Variants in TSPEAR observed in about 807,000 individuals in gnomAD.
The protein encoded by TSPEAR is thrombospondin-type laminin G domain and EAR repeat-containing protein.
TSPEAR carries 69 observed loss-of-function variants against 71.6 expected under a neutral mutation model. The observed-to-expected ratio is 0.96, with a 90% CI of 0.79 to 1.18. The LOEUF is 1.18. Among genes scored for constraint, TSPEAR ranks in the 50% most tolerant of loss-of-function variants. The pLI is 0.00. For missense variants in TSPEAR, 971 were observed against 894.9 expected (o/e 1.09, Z -1.09); for synonymous variants, 402 against 387.2 (o/e 1.04, Z -0.45).
chr21:44,530,001 G>C (rs1555915560), intron 4 of TSPEAR, 47 bp from the exon 5 acceptor site: 1 of 1,495,466 alleles, frequency 6.7e-7, no homozygotes, highest in Admixed American at 2.2e-5. Flanking sequence ...GCTGGGGAAG[G>C]ACCCGCTGAG....
chr21:44,551,466 T>C (rs1249233912), intron 2 of TSPEAR: 3 of 1,598,404 alleles, frequency 1.9e-6, no homozygotes, highest in Admixed American at 1.7e-5. Flanking sequence ...CATGCTGGAG[T>C]GGGGAGGAGG....
intron 9 of TSPEAR, among the ~76,000 whole-genome samples, chr21:44,511,417 TAC>T (rs1428476880): frequency 6.6e-6 from 1 of 152,228 alleles, no homozygotes; most frequent in Non-Finnish European, 1.5e-5. Context: ...TGCATGCCTG[TAC>T]ACATGTGGAT....
intron 1 of TSPEAR, among the ~76,000 whole-genome samples, chr21:44,707,605 C>T (rs1349800796): frequency 1.3e-5 from 2 of 152,140 alleles, no homozygotes; most frequent in African/African-American, 4.8e-5. Flanking sequence ...GGGGGAAAAG[C>T]CCTGGCCTTA....
At chr21:44,574,423 C>T (rs373143280) in intron 1 of TSPEAR, 7 of 1,603,280 alleles carry the variant, frequency 4.4e-6, no homozygotes, top group African/African-American at 2.7e-5. Context: ...TGCACCTCCT[C>T]CTCCTGCCAG....
chr21:44,637,326 A>T, intron 1 of TSPEAR: 1 of 1,447,908 alleles, frequency 6.9e-7, no homozygotes, highest in South Asian at 1.3e-5. Context: ...GGGCATATAA[A>T]AGCCCCAGCA....
chr21:44,559,504 C>T (rs2053603015), intron 2 of TSPEAR, among the ~76,000 whole-genome samples: 2 of 152,172 alleles, frequency 1.3e-5, no homozygotes, highest in Non-Finnish European at 2.9e-5. Flanking sequence ...AGTGTTCACA[C>T]CTTCTCCTCT....
chr21:44,569,763 T>C (rs587692757), intron 1 of TSPEAR, among the ~76,000 whole-genome samples: 53 of 152,128 alleles, frequency 3.5e-4, no homozygotes, highest in African/African-American at 1.2e-3. Context: ...ACACTGTGTG[T>C]AGAGAGGTCT....
intron 1 of TSPEAR, among the ~76,000 whole-genome samples, chr21:44,679,467 A>T (rs1169018794): frequency 6.6e-6 from 1 of 152,248 alleles, no homozygotes; most frequent in African/African-American, 2.4e-5. Flanking sequence ...GAAAGATCAT[A>T]CTATCCAAAG....
Position 44,506,890 on chromosome 21 carries a change from G to A in TSPEAR, c.1755-2009C>T, listed in dbSNP as rs587694245. ...GGCTTCGGTTTCACCACAAAATAAG[G>A]CATCTAGTGCCCGATTCTGCCTCCA... On this transcript the variant is annotated intron_variant, in intron 10 of 11. Coordinates refer to ENST00000323084, the MANE Select transcript of TSPEAR (RefSeq NM_144991.3). The surrounding 1 kb of genome is among the most constrained non-coding windows in gnomAD (Gnocchi z 4.2). 52 of 152,288 alleles carry A rather than the reference G, an allele frequency of 3.4e-4. No individual in the cohort carries two copies. The highest frequency in any genetic ancestry group is 1.2e-3 in the African/African-American group (49 of 41,538). 9.4% of individuals were successfully genotyped at this position (152,288 alleles called of 1,614,324 possible).
chr21:44,536,900 T>A (rs1311146666), intron 2 of TSPEAR, among the ~76,000 whole-genome samples: 1 of 152,194 alleles, frequency 6.6e-6, no homozygotes, highest in Non-Finnish European at 1.5e-5. Flanking sequence ...TATATAGACA[T>A]ATATACAGGA....
chr21:44,639,548 C>T (rs1401760499), intron 1 of TSPEAR, among the ~76,000 whole-genome samples: 5 of 151,896 alleles, frequency 3.3e-5, no homozygotes, highest in Admixed American at 6.5e-5. Context: ...TCCTTGGAAG[C>T]AAAGCCAAGT....
chr21:44,612,274 CAGCTGCTGTACCCCT>C lies in TSPEAR; in HGVS notation c.83-44284_83-44270del, dbSNP rs1569218849. The C allele has an allele frequency of 1.2e-6, 2 of 1,613,594 alleles. No individual in the cohort carries two copies. The highest frequency in any genetic ancestry group is 1.1e-5 in the South Asian group (1 of 91,076). ...GCTGCGAGCCCCGCTCCTGTGCCTC[CAGCTGCTGTACCCCT>C]AGCTGCTGTGCCCCAGCCCCCTGCC... On this transcript the variant is annotated intron_variant, in intron 1 of 11. Coordinates refer to ENST00000323084, the MANE Select transcript of TSPEAR (RefSeq NM_144991.3). The surrounding 1 kb of genome is among the most constrained non-coding windows in gnomAD (Gnocchi z 4.1).
At chr21:44,513,711 G>T (rs2052467759) in intron 9 of TSPEAR, among the ~76,000 whole-genome samples, 4 of 152,186 alleles carry the variant, frequency 2.6e-5, no homozygotes, top group African/African-American at 7.2e-5. Flanking sequence ...GAGGCCCTTG[G>T]GTTCCGGCTT....
intron 1 of TSPEAR, among the ~76,000 whole-genome samples, chr21:44,637,148 G>A (rs1983628595): frequency 6.6e-6 from 1 of 152,180 alleles, no homozygotes; most frequent in Admixed American, 6.5e-5. Flanking sequence ...CCGGGAGACA[G>A]GCTCAGCCAG....
rs782218290 is a variant in TSPEAR at position 44,666,549 on chromosome 21, A to T, written c.82+44884T>A. 4 of 1,613,162 alleles carry T rather than the reference A, an allele frequency of 2.5e-6. No homozygotes were observed. Among genetic ancestry groups the T allele is most frequent in the Non-Finnish European group, 3.4e-6 (4 of 1,179,312 alleles). On this transcript the variant is annotated intron_variant, in intron 1 of 11. Coordinates refer to ENST00000323084, the MANE Select transcript of TSPEAR (RefSeq NM_144991.3). ...CTGGCAGGACGGAGCCGCATACACG[A>T]CAGGCCTGCAGCTCACAGGCACGCA...
At chr21:44,524,132 CAGT>C (rs1555914644) in intron 8 of TSPEAR, among the ~76,000 whole-genome samples, 123 of 151,322 alleles carry the variant, frequency 8.1e-4, no homozygotes, top group African/African-American at 3.0e-3. Context: ...GTCAGTCAGT[CAGT>C]GAGGTAGTCA....
chr21:44,658,311 T>C (rs782206273), intron 1 of TSPEAR: 2 of 1,577,454 alleles, frequency 1.3e-6, no homozygotes, highest in Non-Finnish European at 1.7e-6. Flanking sequence ...CCTGTATCCC[T>C]CCGTGAATAA....
At chr21:44,577,393 C>T (rs1978532442) in intron 1 of TSPEAR, among the ~76,000 whole-genome samples, 1 of 152,186 alleles carries the variant, frequency 6.6e-6, no homozygotes, top group South Asian at 2.1e-4. Flanking sequence ...ACAGGCTGTA[C>T]AAGAATGGCA....
chr21:44,687,110 A>G lies in TSPEAR; in HGVS notation c.82+24323T>C, dbSNP rs1042139376. Among the ~76,000 whole-genome samples, 2 of 152,168 alleles carry G rather than the reference A, an allele frequency of 1.3e-5. No individual in the cohort carries two copies. Among genetic ancestry groups the G allele is most frequent in the Middle Eastern group, 3.2e-3 (1 of 316 alleles). On this transcript the variant is annotated intron_variant, in intron 1 of 11. Coordinates refer to ENST00000323084, the MANE Select transcript of TSPEAR (RefSeq NM_144991.3). This position sits in a 1 kb window ranked among gnomAD's most constrained non-coding sequence, Gnocchi z 4.4. ...CCACAGGACGAAGGGCTGCGGGAAG[A>G]AGGAGGCTGAGCCTGGGGAACCTGG... is the stretch of plus-strand genomic sequence containing the variant.
Sources: gnomAD v4.1 joint callset for allele counts (sites outside exome capture counted in the v4.1 genomes callset) on GRCh38, gnomAD v4.1.1 for gene constraint, Gnocchi (gnomAD v3.1) non-coding constraint, MANE v1.5 for transcripts, NCBI Gene and HGNC (gene_info 2026-07-23, HGNC 2026-07-21) for gene names.